Variants in ANGPT1 observed in about 807,000 individuals in gnomAD.
The protein encoded by ANGPT1 is angiopoietin-1.
In ANGPT1, 17 loss-of-function variants were observed where a neutral mutation model predicts 62.2. The observed-to-expected ratio is 0.27, with a 90% CI of 0.19 to 0.41. ANGPT1 has a LOEUF of 0.41. Among genes scored for constraint, ANGPT1 ranks in the 10% least tolerant of loss-of-function variants. ANGPT1 has a pLI of 1.00. For missense variants in ANGPT1, 478 were observed against 594.9 expected, an observed-to-expected ratio of 0.80 and a Z score of 2.04; for synonymous variants, 199 against 198.9, an observed-to-expected ratio of 1.00 and a Z score of 0.00.
rs112845963 is a variant in ANGPT1, at chr8:107,492,370, C to G, written c.297+4892G>C. Among the ~76,000 whole-genome samples, 186 of 152,262 alleles carry G rather than the reference C, an allele frequency of 1.2e-3. 1 individual carries two copies. Among genetic ancestry groups the G allele is most frequent in the Non-Finnish European group, 1.2e-3 (80 of 68,020 alleles). On this transcript the variant is annotated intron_variant, in intron 1 of 8. Transcript: ENST00000517746. ...ATTTTTTTTGAGATGGAGTCCCGCT[C>G]TGTCATTCAGGCTGGAGTGCAGTGG...
rs367848444 is a variant in ANGPT1, at chr8:107,372,650, A to G, written c.298-25553T>C. 3.4e-4 allele frequency among the ~76,000 whole-genome samples: 51 copies of G among 152,168 alleles called. 1 individual carries two copies. The South Asian group carries it at 9.8e-3, about 29-fold the overall frequency. On this transcript the variant is annotated intron_variant, in intron 1 of 8. Coordinates refer to ENST00000517746, the MANE Select transcript of ANGPT1 (RefSeq NM_001146.5). ...TCGAAATGTCTGCTCCTTAAAGACC[A>G]TGGCCCAGAGAAAGAAAGTCTCACA...
chr8:107,447,507 G>C (rs1811652641), intron 1 of ANGPT1, among the ~76,000 whole-genome samples: 1 of 152,200 alleles, frequency 6.6e-6, no homozygotes, highest in African/African-American at 2.4e-5. Flanking sequence ...TTGCCTTAGA[G>C]TGTTTGCACA....
intron 6 of ANGPT1, among the ~76,000 whole-genome samples, chr8:107,288,660 T>C (rs1036591635): frequency 6.6e-6 from 1 of 152,120 alleles, no homozygotes; most frequent in East Asian, 1.9e-4. Context: ...GGAATAGATA[T>C]TCCAAGTGCA....
chr8:107,445,592 G>A (rs955240815), intron 1 of ANGPT1, among the ~76,000 whole-genome samples: 1 of 152,128 alleles, frequency 6.6e-6, no homozygotes, highest in Non-Finnish European at 1.5e-5. Flanking sequence ...TGTCTGAGGA[G>A]AGACATCAAT....
chr8:107,377,877 T>C (rs1465377996), intron 1 of ANGPT1, among the ~76,000 whole-genome samples: 1 of 151,900 alleles, frequency 6.6e-6, no homozygotes, highest in Non-Finnish European at 1.5e-5. Context: ...TCTCCTCTAA[T>C]ATCTTGGTTA....
At chr8:107,401,570 A>G (rs538370585) in intron 1 of ANGPT1, among the ~76,000 whole-genome samples, 1 of 152,364 alleles carries the variant, frequency 6.6e-6, no homozygotes, top group Admixed American at 6.5e-5. Flanking sequence ...AGGTTAATGC[A>G]TAACTGAGGG....
intron 3 of ANGPT1, among the ~76,000 whole-genome samples, chr8:107,333,970 AAAGGAGGGAGGG>A (rs1261550910): frequency 2.1e-3 from 200 of 95,268 alleles, no homozygotes; most frequent in African/African-American, 5.6e-3. Flanking sequence ...AGAAAGAAAG[AAAGGAGGGAGGG>A]AGGGAGGGAG....
At chr8:107,478,250 C>CA (rs546300255) in intron 1 of ANGPT1, among the ~76,000 whole-genome samples, 38,236 of 140,276 alleles carry the variant, frequency 0.27, 5,396 homozygotes, top group African/African-American at 0.38. Context: ...TATACCTATT[C>CA]AAAAAAAAAA....
chr8:107,451,092 G>A (rs1048341635), intron 1 of ANGPT1, among the ~76,000 whole-genome samples: 4 of 151,254 alleles, frequency 2.6e-5, no homozygotes, highest in South Asian at 2.1e-4. Context: ...CTTTAATCAC[G>A]GCCAGAGAAA....
At chr8:107,300,517 C>T (rs1814561872) in intron 5 of ANGPT1, among the ~76,000 whole-genome samples, 1 of 151,632 alleles carries the variant, frequency 6.6e-6, no homozygotes, top group African/African-American at 2.4e-5. Context: ...AGTTATCTCC[C>T]CTTCTCACCA....
chr8:107,293,845 C>A, intron 6 of ANGPT1, 91 bp downstream of exon 6: 1 of 963,250 alleles, frequency 1.0e-6, no homozygotes, highest in South Asian at 1.9e-5. Context: ...TAACTCAAAA[C>A]CACCTAAAAA....
rs182551101 is a variant in ANGPT1 at position 107,282,241 on chromosome 8, G to A, written c.1205+2441C>T. 3.8e-3 allele frequency among the ~76,000 whole-genome samples: 581 copies of A among 151,870 alleles called. 9 individuals carry two copies. Among genetic ancestry groups the A allele is most frequent in the African/African-American group, 0.014 (562 of 41,414 alleles). On this transcript the variant is annotated intron_variant, in intron 7 of 8. Coordinates refer to ENST00000517746, the MANE Select transcript of ANGPT1 (RefSeq NM_001146.5). ...CGTGAATCGTATACTTGAATTGCAT[G>A]AGAAAATGATGACTGCACATCTACT...
At position 107,497,331 on chromosome 8, in the gene ANGPT1, C is replaced by A. The variant is rs147086219; in HGVS notation, c.228G>T (p.Pro76=). The A allele has an allele frequency of 2.7e-5, 43 of 1,614,024 alleles. No individual in the cohort carries two copies. The highest frequency in any genetic ancestry group is 3.6e-5 in the Non-Finnish European group (42 of 1,180,008). ...ALQRDAPHVE[P]DFSSQKLQHL... is the part of the protein sequence containing the mutation. Reference sequence around the variant, plus strand: ...GTTGAAGTTTCTGGGAAGAGAAATCCGGTTCCACGTGTGGAGCATCTCTCT... The same window carrying A: ...GTTGAAGTTTCTGGGAAGAGAAATCAGGTTCCACGTGTGGAGCATCTCTCT... The change falls in exon 1 of 9, where the codon CCG becomes CCT. Residue 76 remains proline, a synonymous_variant. Transcript: ENST00000517746.
intron 1 of ANGPT1, among the ~76,000 whole-genome samples, chr8:107,404,332 C>T (rs910367932): frequency 2.0e-5 from 3 of 152,066 alleles, no homozygotes; most frequent in Non-Finnish European, 4.4e-5. Flanking sequence ...AAAAGTTCAA[C>T]CCGAAATCCC....
At chr8:107,278,879 T>G (rs1490008714) in intron 7 of ANGPT1, among the ~76,000 whole-genome samples, 1 of 152,218 alleles carries the variant, frequency 6.6e-6, no homozygotes. Flanking sequence ...TCTTAGATTT[T>G]CACAAGCTCT....
At chr8:107,322,197 T>G (rs1815170754) in intron 3 of ANGPT1, 69 bp from the exon 4 acceptor site, 1 of 1,118,062 alleles carries the variant, frequency 8.9e-7, no homozygotes, top group Non-Finnish European at 1.3e-6. Context: ...ATAATTCAAT[T>G]GGTTCCTGAA....
chr8:107,348,066 A>T (rs1815851308), intron 1 of ANGPT1, among the ~76,000 whole-genome samples: 1 of 152,154 alleles, frequency 6.6e-6, no homozygotes, highest in African/African-American at 2.4e-5. Flanking sequence ...TTACTCTACT[A>T]CACATATAGG....
At chr8:107,472,022 T>A (rs1013775429) in intron 1 of ANGPT1, among the ~76,000 whole-genome samples, 6 of 152,064 alleles carry the variant, frequency 3.9e-5, no homozygotes, top group Non-Finnish European at 5.9e-5. Flanking sequence ...CTCCTCTTGC[T>A]TTTTTGATGA....
intron 1 of ANGPT1, among the ~76,000 whole-genome samples, chr8:107,449,600 T>C (rs1433165): frequency 0.52 from 79,303 of 151,780 alleles, 21,240 homozygotes; most frequent in Middle Eastern, 0.6. Flanking sequence ...TTACATAATA[T>C]AAATGAGACC....
Sources: allele counts gnomAD v4.1 joint callset (sites outside exome capture counted in the v4.1 genomes callset), GRCh38; gene constraint gnomAD v4.1.1; transcripts MANE v1.5; gene names NCBI Gene and HGNC (gene_info 2026-07-23, HGNC 2026-07-21).